Variants in IQCM observed in about 807,000 individuals in gnomAD.
IQCM encodes the protein IQ motif containing M, also known as IQ domain-containing protein M.
In IQCM, 45 loss-of-function variants were observed where a neutral mutation model predicts 57.6. That is an observed-to-expected ratio of 0.78 (90% CI 0.62 to 1.00). The LOEUF is 1.00. IQCM is among the 50% of genes least tolerant of loss of function. The probability of loss-of-function intolerance (pLI) is 0.00; values close to 1 mark genes in which losing one functional copy is unlikely to be tolerated. For missense variants in IQCM, 468 were observed against 511.6 expected, an observed-to-expected ratio of 0.91 and a Z score of 0.82; for synonymous variants, 148 against 158.9, an observed-to-expected ratio of 0.93 and a Z score of 0.51.
intron 2 of IQCM, among the ~76,000 whole-genome samples, chr4:149,813,577 T>C (rs950910864): frequency 4.6e-5 from 7 of 151,996 alleles, no homozygotes; most frequent in Non-Finnish European, 7.4e-5. Context: ...GAATTAAAAA[T>C]GGGTAGGCAG....
intron 5 of IQCM, among the ~76,000 whole-genome samples, chr4:149,694,561 A>AC (rs1561166155): frequency 6.0e-5 from 9 of 150,630 alleles, no homozygotes; most frequent in Non-Finnish European, 8.9e-5. Context: ...CACACACACA[A>AC]AAAACAGCAT....
chr4:149,807,802 C>T lies in IQCM; in HGVS notation c.-49+7509G>A, dbSNP rs368918343. Among the ~76,000 whole-genome samples, 62 of 152,070 alleles carry T rather than the reference C, an allele frequency of 4.1e-4. No homozygotes were observed. In the South Asian group the frequency reaches 4.1e-3, roughly 10 times the overall value. ...AATAGACACATCTTAAAAGATGACA[C>T]ACAAATGGCCAACAGGTATATGAAA... On this transcript the variant is annotated intron_variant, in intron 2 of 13. Coordinates refer to ENST00000636793, the MANE Select transcript of IQCM (RefSeq NM_001363507.2).
chr4:149,563,555 C>T, intron 10 of IQCM, 137 bp downstream of exon 10: 3 of 546,762 alleles, frequency 5.5e-6, no homozygotes, highest in Non-Finnish European at 8.2e-6. Context: ...CATTGCACTC[C>T]AGCCTGGACA....
intron 13 of IQCM, among the ~76,000 whole-genome samples, chr4:149,429,341 A>G (rs1479423556): frequency 6.6e-6 from 1 of 151,884 alleles, no homozygotes; most frequent in Non-Finnish European, 1.5e-5. Context: ...TCCTGGAAAA[A>G]AATTAAAGAC....
At chr4:149,810,850 AT>A (rs1159711336) in intron 2 of IQCM, among the ~76,000 whole-genome samples, 1 of 152,136 alleles carries the variant, frequency 6.6e-6, no homozygotes, top group Admixed American at 6.5e-5. Flanking sequence ...TAGCTATTAT[AT>A]TTGAATTTAT....
intron 13 of IQCM, among the ~76,000 whole-genome samples, chr4:149,384,631 G>T (rs1731291352): frequency 6.6e-6 from 1 of 152,060 alleles, no homozygotes; most frequent in Middle Eastern, 3.4e-3. Context: ...TGATTTATAA[G>T]CCCCTGGGTC....
intron 12 of IQCM, among the ~76,000 whole-genome samples, chr4:149,523,076 G>A (rs1025171345): frequency 1.3e-5 from 2 of 152,132 alleles, no homozygotes; most frequent in African/African-American, 4.8e-5. Context: ...TATCTAGTGA[G>A]GGAGCAATTG....
chr4:149,736,604 A>C (rs1766967857), intron 3 of IQCM, among the ~76,000 whole-genome samples: 1 of 152,156 alleles, frequency 6.6e-6, no homozygotes, highest in Non-Finnish European at 1.5e-5. Context: ...AAGCAATTAA[A>C]AACTCAATCT....
intron 13 of IQCM, among the ~76,000 whole-genome samples, chr4:149,354,363 CAAA>C (rs70965178): frequency 2.7e-3 from 54 of 20,236 alleles, no homozygotes; most frequent in South Asian, 0.013. Context: ...GACTCCGTCT[CAAA>C]AAAAAAAAAA....
At chr4:149,564,931 G>T (rs1420871220) in intron 9 of IQCM, among the ~76,000 whole-genome samples, 1 of 152,112 alleles carries the variant, frequency 6.6e-6, no homozygotes, top group Non-Finnish European at 1.5e-5. Flanking sequence ...CAGATTATCT[G>T]TAATCTTGGT....
At chr4:149,662,843 T>G (rs1000149843) in intron 7 of IQCM, among the ~76,000 whole-genome samples, 12 of 152,014 alleles carry the variant, frequency 7.9e-5, no homozygotes, top group African/African-American at 2.9e-4. Context: ...TGGGTCTTGT[T>G]TTTATGTCCA....
rs540659381 is a variant in IQCM, at chr4:149,483,478, A to G, written c.1229-49921T>C. Among the ~76,000 whole-genome samples the G allele has an allele frequency of 1.3e-4, 20 of 151,962 alleles. No individual in the cohort carries two copies. The East Asian group carries it at 3.7e-3, about 28-fold the overall frequency. ...TTTTTTATGTTGAGTTTCCATTACTAACTGTTTCAAGAAATATTTCAATTT... is the reference window on the plus strand; with the variant it reads ...TTTTTTATGTTGAGTTTCCATTACTGACTGTTTCAAGAAATATTTCAATTT... On this transcript the variant is annotated intron_variant, in intron 12 of 13. Transcript: ENST00000636793.
chr4:149,795,363 C>CTGTT (rs1325799123), intron 2 of IQCM, among the ~76,000 whole-genome samples: 3 of 152,140 alleles, frequency 2.0e-5, no homozygotes, highest in Non-Finnish European at 4.4e-5. Context: ...AGACCAAACT[C>CTGTT]AGCTAACAGC....
At chr4:149,744,161 T>C (rs577298895) in intron 2 of IQCM, among the ~76,000 whole-genome samples, 3 of 152,292 alleles carry the variant, frequency 2.0e-5, no homozygotes, top group African/African-American at 7.2e-5. Context: ...CCATTGCAGG[T>C]ACAGTTTTAA....
In IQCM at chr4:149,433,392, T is replaced by G; in HGVS notation, c.1390+4A>C. ...ACAATAAAAAATAAGGTTCAATATC[T>G]TACCTATATATCTATAACCTTCTTC... On this transcript the variant is annotated splice_donor_region_variant and intron_variant, in intron 13 of 13. Transcript: ENST00000636793. 1.7e-6 allele frequency: 2 copies of G among 1,195,408 alleles called. No individual in the cohort carries two copies. The highest frequency in any genetic ancestry group is 8.5e-5 in the Admixed American group (2 of 23,582). 74.1% of individuals were successfully genotyped at this position (1,195,408 alleles called of 1,614,324 possible). A position where few individuals can be genotyped will look rare whatever the true frequency, so the allele number is the denominator to read the frequency against.
intron 2 of IQCM, among the ~76,000 whole-genome samples, chr4:149,807,410 T>C (rs1002919911): frequency 2.0e-5 from 3 of 152,136 alleles, no homozygotes; most frequent in Admixed American, 2.0e-4. Context: ...TACTCATCTT[T>C]TGCCATATAT....
At chr4:149,615,444 TA>T (rs1269899062) in intron 8 of IQCM, among the ~76,000 whole-genome samples, 1 of 152,186 alleles carries the variant, frequency 6.6e-6, no homozygotes, top group Non-Finnish European at 1.5e-5. Flanking sequence ...ATGCAGTTTT[TA>T]AAATTTTACA....
chr4:149,385,593 C>A (rs1448363296), intron 13 of IQCM, among the ~76,000 whole-genome samples: 2 of 152,072 alleles, frequency 1.3e-5, no homozygotes, highest in African/African-American at 2.4e-5. Flanking sequence ...ATTTACTTGA[C>A]AAATCTATCA....
chr4:149,726,144 G>GAAAGAAAGAAAGA (rs1765922767), intron 5 of IQCM, among the ~76,000 whole-genome samples: 38 of 127,730 alleles, frequency 3.0e-4, no homozygotes, highest in African/African-American at 1.0e-3. Context: ...AGAAAGAAAA[G>GAAAGAAAGAAAGA]AAAGAAAGAA....
Sources: allele counts gnomAD v4.1 joint callset (sites outside exome capture counted in the v4.1 genomes callset), GRCh38; gene constraint gnomAD v4.1.1; transcripts MANE v1.5; gene names NCBI Gene and HGNC (gene_info 2026-07-23, HGNC 2026-07-21).